The following GRAMD4 variants were observed in gnomAD, a reference collection of about 807,000 sequenced individuals.
GRAMD4 encodes the protein GRAM domain containing 4.
A neutral mutation model predicts 83.9 loss-of-function variants in GRAMD4; 25 were observed. The observed-to-expected ratio is 0.30, with a 90% confidence interval of 0.22 to 0.42. The LOEUF is 0.42. Among genes scored for constraint, GRAMD4 ranks in the 10% least tolerant of loss-of-function variants. The probability of loss-of-function intolerance (pLI) is 1.00; values close to 1 mark genes in which losing one functional copy is unlikely to be tolerated. For missense variants in GRAMD4, 593 were observed against 788.7 expected (o/e 0.75, Z 2.97); for synonymous variants, 336 against 320.9 (o/e 1.05, Z -0.50).
upstream of GRAMD4, among the ~76,000 whole-genome samples, chr22:46,619,500 G>A (rs1262468494): frequency 6.6e-6 from 1 of 152,160 alleles, no homozygotes; most frequent in Non-Finnish European, 1.5e-5. Flanking sequence ...CACCACGCTG[G>A]CTCATGTTCT....
chr22:46,637,698 T>G, intron 2 of GRAMD4, 142 bp from the exon 3 acceptor site: 3 of 732,210 alleles, frequency 4.1e-6, no homozygotes, highest in East Asian at 2.9e-5. Flanking sequence ...GTCGTCCCCA[T>G]GTCCAGAAAC....
At chr22:46,599,943 C>T (rs890857265) in intron 1 of GRAMD4, among the ~76,000 whole-genome samples, 4 of 152,292 alleles carry the variant, frequency 2.6e-5, no homozygotes, top group Admixed American at 6.5e-5. Context: ...GTCTCACCAC[C>T]GGCGGCACCT....
rs1408828584 is a variant in GRAMD4 at position 46,659,124 on chromosome 22, CTG to C, written c.404+818_404+819del. Among the ~76,000 whole-genome samples the C allele has an allele frequency of 6.6e-6, 1 of 152,182 alleles. No individual in the cohort carries two copies. Among genetic ancestry groups the C allele is most frequent in the Admixed American group, 6.5e-5 (1 of 15,286 alleles). On this transcript the variant is annotated intron_variant, in intron 4 of 18. Coordinates refer to ENST00000406902, the MANE Select transcript of GRAMD4 (RefSeq NM_015124.5). The surrounding 1 kb of genome is among the most constrained non-coding windows in gnomAD (Gnocchi z 4.1). ...GCCAGGGAGCTCAGGCCACTCACCT[CTG>C]GCTCCCAGGCCTCCCGCTCAGCCTC...
chr22:46,642,765 T>A (rs1381942406), intron 3 of GRAMD4, among the ~76,000 whole-genome samples: 1 of 152,230 alleles, frequency 6.6e-6, no homozygotes, highest in East Asian at 1.9e-4. Context: ...TTTTAAATTT[T>A]GACATGATTT....
At chr22:46,617,658 C>T (rs2081522424), upstream of GRAMD4, among the ~76,000 whole-genome samples, 1 of 152,158 alleles carries the variant, frequency 6.6e-6, no homozygotes, top group Admixed American at 6.5e-5. Context: ...TCCTGGCCCT[C>T]CCAGTCTTCC....
At chr22:46,675,887 T>A (rs928956437) in intron 17 of GRAMD4, among the ~76,000 whole-genome samples, 1 of 152,218 alleles carries the variant, frequency 6.6e-6, no homozygotes, top group Non-Finnish European at 1.5e-5. Context: ...CCTGAGCCCC[T>A]GCCTCGGATG....
At chr22:46,670,864 A>C (rs1266369304) in intron 13 of GRAMD4, among the ~76,000 whole-genome samples, 1 of 151,460 alleles carries the variant, frequency 6.6e-6, no homozygotes, top group Non-Finnish European at 1.5e-5. Context: ...CGGCCTCCCA[A>C]AGTGCTAGGA....
intron 1 of GRAMD4, among the ~76,000 whole-genome samples, chr22:46,581,599 A>T (rs968640341): frequency 6.6e-6 from 1 of 152,272 alleles, no homozygotes; most frequent in Admixed American, 6.5e-5. Context: ...TGCAGTAAAT[A>T]GCAAGATTCG....
chr22:46,588,519 C>T (rs1003779594), intron 1 of GRAMD4, among the ~76,000 whole-genome samples: 2 of 152,218 alleles, frequency 1.3e-5, no homozygotes, highest in South Asian at 2.1e-4. Context: ...GGAGCTGTGG[C>T]CTCTGGCCAG....
At chr22:46,671,967 A>C (rs571184312) in intron 13 of GRAMD4, among the ~76,000 whole-genome samples, 17 of 152,392 alleles carry the variant, frequency 1.1e-4, no homozygotes, top group African/African-American at 3.8e-4. Context: ...TAGCACAGAT[A>C]GTACATGGAA....
At position 46,641,706 on chromosome 22, in the gene GRAMD4, G is replaced by T. The variant is rs1004341930; in HGVS notation, c.283+3746G>T. Among the ~76,000 whole-genome samples, 5 of 152,162 alleles carry T rather than the reference G, an allele frequency of 3.3e-5. No individual in the cohort carries two copies. The South Asian group carries it at 1.0e-3, about 32-fold the overall frequency. On this transcript the variant is annotated intron_variant, in intron 3 of 18. Transcript: ENST00000406902. Reference sequence around the variant, plus strand: ...GGACTATCCCTCTGTTGGTGGTGCCGTGTGCTTCCATGAGGCAGTCTCTGT... The same window carrying T: ...GGACTATCCCTCTGTTGGTGGTGCCTTGTGCTTCCATGAGGCAGTCTCTGT...
intron 17 of GRAMD4, 22 bp downstream of exon 17, chr22:46,675,574 C>G (rs1555978403): frequency 3.4e-6 from 5 of 1,461,162 alleles, no homozygotes; most frequent in South Asian, 3.4e-5. Flanking sequence ...TACCCACCCC[C>G]ACTAACCCCC....
chr22:46,662,402 G>T (rs1393860076), intron 5 of GRAMD4, among the ~76,000 whole-genome samples: 1 of 152,256 alleles, frequency 6.6e-6, no homozygotes, highest in Non-Finnish European at 1.5e-5. Flanking sequence ...GGAGGGACTG[G>T]CTTGCACCCC....
At chr22:46,651,167 G>A (rs936459933) in intron 3 of GRAMD4, among the ~76,000 whole-genome samples, 1 of 152,230 alleles carries the variant, frequency 6.6e-6, no homozygotes, top group East Asian at 1.9e-4. Context: ...CACGAGGCAG[G>A]CACAGATTTC....
intron 2 of GRAMD4, among the ~76,000 whole-genome samples, chr22:46,631,926 C>T (rs1357040977): frequency 3.5e-5 from 4 of 115,400 alleles, no homozygotes; most frequent in African/African-American, 7.0e-5. Context: ...TGTGTCCTTT[C>T]GTCTCCTGGG....
intron 1 of GRAMD4, among the ~76,000 whole-genome samples, chr22:46,606,770 T>C (rs903432181): frequency 2.0e-5 from 3 of 152,278 alleles, no homozygotes; most frequent in Non-Finnish European, 4.4e-5. Flanking sequence ...ATTGGCCGAT[T>C]GGACGGGCAC....
intron 6 of GRAMD4, 118 bp downstream of exon 6, chr22:46,663,290 G>T: frequency 1.0e-6 from 1 of 1,003,200 alleles, no homozygotes. Context: ...TGAGGCTGCC[G>T]AGAGCTCCTG....
intron 3 of GRAMD4, among the ~76,000 whole-genome samples, chr22:46,642,299 A>G (rs578155334): frequency 1.4e-4 from 22 of 152,138 alleles, no homozygotes; most frequent in Non-Finnish European, 2.9e-4. Flanking sequence ...GATACACTCC[A>G]TGGGGATCCT....
At chr22:46,651,213 G>T (rs375805792) in intron 3 of GRAMD4, among the ~76,000 whole-genome samples, 2 of 152,248 alleles carry the variant, frequency 1.3e-5, no homozygotes, top group African/African-American at 4.8e-5. Flanking sequence ...TAGGTTCTAG[G>T]TTCCGACTCA....
Sources: allele counts gnomAD v4.1 joint callset (sites outside exome capture counted in the v4.1 genomes callset), GRCh38; gene constraint gnomAD v4.1.1; non-coding constraint Gnocchi (gnomAD v3.1); transcripts MANE v1.5; gene names NCBI Gene and HGNC (gene_info 2026-07-23, HGNC 2026-07-21).